The following UGGT2 variants were observed in gnomAD, a reference collection of about 807,000 sequenced individuals.
UGGT2 encodes the protein UDP-glucose glycoprotein glucosyltransferase 2, also known as UDP-glucose:glycoprotein glucosyltransferase 2.
A neutral mutation model predicts 192.1 loss-of-function variants in UGGT2; 180 were observed. That is an observed-to-expected ratio of 0.94 (90% CI 0.83 to 1.06). The LOEUF is 1.06. UGGT2 is among the 50% of genes least tolerant of loss of function. The pLI is 0.00. For synonymous variants in UGGT2, 580 were observed against 591.0 expected, an observed-to-expected ratio of 0.98 and a Z score of 0.27; for missense variants, 1,849 against 1,795.7, an observed-to-expected ratio of 1.03 and a Z score of -0.54.
intron 38 of UGGT2, among the ~76,000 whole-genome samples, chr13:95,830,174 A>C (rs1380356410): frequency 6.6e-6 from 1 of 152,214 alleles, no homozygotes; most frequent in Admixed American, 6.5e-5. Context: ...AACCATAAAA[A>C]CTGTAGAAGA....
At chr13:95,961,332 C>A (rs1391439139) in intron 12 of UGGT2, among the ~76,000 whole-genome samples, 1 of 151,978 alleles carries the variant, frequency 6.6e-6, no homozygotes, top group African/African-American at 2.4e-5. Flanking sequence ...AAAAACAAGA[C>A]CCATCCATAC....
At chr13:96,014,110 A>C (rs1291142250) in intron 4 of UGGT2, among the ~76,000 whole-genome samples, 1 of 152,212 alleles carries the variant, frequency 6.6e-6, no homozygotes, top group Non-Finnish European at 1.5e-5. Flanking sequence ...TTAACTATTC[A>C]GGAAAAGATC....
At chr13:95,810,063 A>G (rs1364101339) in intron 38 of UGGT2, among the ~76,000 whole-genome samples, 2 of 152,178 alleles carry the variant, frequency 1.3e-5, no homozygotes, top group African/African-American at 4.8e-5. Flanking sequence ...CTTACGCTGG[A>G]TACATTTATC....
intron 10 of UGGT2, among the ~76,000 whole-genome samples, chr13:95,973,528 A>C (rs1283866401): frequency 6.6e-6 from 1 of 152,262 alleles, no homozygotes; most frequent in Non-Finnish European, 1.5e-5. Context: ...CTCTAAATTC[A>C]TAAAAGTTTC....
Position 95,801,694 on chromosome 13 carries a change from G to A in UGGT2, c.*96C>T, listed in dbSNP as rs1411724964. The A allele has an allele frequency of 5.9e-5, 75 of 1,269,908 alleles. No homozygotes were observed. The highest frequency in any genetic ancestry group is 7.9e-5 in the Non-Finnish European group (71 of 899,694). The allele number at this position is 1,269,908 out of a possible 1,614,324, so 78.7% of individuals were successfully genotyped here. ...TAAAGAATATGTCACTGATCTTAAC[G>A]AGACTTCCAAATCGTCTCAGCAGGG... On this transcript the variant is annotated 3_prime_UTR_variant, in exon 39 of 39. Coordinates refer to ENST00000376747, the MANE Select transcript of UGGT2 (RefSeq NM_020121.4).
At chr13:95,870,684 G>A (rs1891141273) in intron 29 of UGGT2, among the ~76,000 whole-genome samples, 1 of 152,150 alleles carries the variant, frequency 6.6e-6, no homozygotes, top group Non-Finnish European at 1.5e-5. Context: ...CCAATACGAT[G>A]TAAAAGCATC....
chr13:96,024,441 TGAA>T (rs1199371592), intron 2 of UGGT2, among the ~76,000 whole-genome samples: 8 of 152,238 alleles, frequency 5.3e-5, no homozygotes, highest in African/African-American at 1.7e-4. Flanking sequence ...AGCCTAGAGC[TGAA>T]GAAGACCTGG....
intron 28 of UGGT2, 49 bp downstream of exon 28, chr13:95,877,649 G>T (rs1401795354): frequency 1.1e-5 from 17 of 1,559,282 alleles, no homozygotes; most frequent in Admixed American, 5.5e-5. Context: ...GGAAAACAGA[G>T]AATTCACCAA....
chr13:96,018,491 G>A (rs973287812), intron 4 of UGGT2, among the ~76,000 whole-genome samples: 6 of 152,054 alleles, frequency 3.9e-5, no homozygotes, highest in African/African-American at 1.4e-4. Context: ...ACTCTAGCCT[G>A]GGCACTAGAG....
chr13:95,980,037 A>G (rs1457349125), intron 10 of UGGT2, among the ~76,000 whole-genome samples: 2 of 152,206 alleles, frequency 1.3e-5, no homozygotes, highest in Admixed American at 6.5e-5. Context: ...CACTTTTACA[A>G]TGTTGGTGGG....
In UGGT2 at chr13:95,990,060, C is replaced by A; in HGVS notation, c.844G>T (p.Asp282Tyr). ...AATGCTGTCAGATTATCTCTAAGATCTGAATATATTTCTCTGCATCAAAAT... is the reference window on the plus strand; with the variant it reads ...AATGCTGTCAGATTATCTCTAAGATATGAATATATTTCTCTGCATCAAAAT... Reference protein sequence around the residue: ...LFGKLKEIYSDLRDNLTAFQK... With the variant: ...LFGKLKEIYSYLRDNLTAFQK... The change falls in exon 8 of 39, where the codon GAT becomes TAT. Residue 282 changes from aspartate (D) to tyrosine (Y), a missense_variant. By Grantham distance (160) the Asp-to-Tyr change is radical. Transcript: ENST00000376747. 1 of 1,597,742 alleles carries A rather than the reference C, an allele frequency of 6.3e-7. No individual in the cohort carries two copies. Among genetic ancestry groups the A allele is most frequent in the Non-Finnish European group, 8.5e-7 (1 of 1,171,628 alleles).
At position 96,053,253 on chromosome 13, in the gene UGGT2, C is replaced by T. The variant is rs1337310428; in HGVS notation, c.60G>A (p.Trp20Ter). 4 of 1,563,310 alleles carry T rather than the reference C, an allele frequency of 2.6e-6. No individual in the cohort carries two copies. Among genetic ancestry groups the T allele is most frequent in the Non-Finnish European group, 2.6e-6 (3 of 1,162,492 alleles). ...VRLLLGSTALWLSQLGSGTVA... is the reference protein window; with the variant it reads ...VRLLLGSTAL ...CCGTCCCGGAGCCGAGCTGCGAAAG[C>T]CACAGCGCTGTGGAGCCTAGTAGCA... Residue 20 changes from tryptophan to a stop codon, truncating the protein, a stop_gained, in exon 1 of 39, where the codon TGG (tryptophan) becomes TGA (stop). Coordinates refer to ENST00000376747, the MANE Select transcript of UGGT2 (RefSeq NM_020121.4). LOFTEE classifies it high-confidence loss of function.
chr13:96,038,303 C>A (rs2053064662), intron 1 of UGGT2, among the ~76,000 whole-genome samples: 1 of 152,122 alleles, frequency 6.6e-6, no homozygotes, highest in African/African-American at 2.4e-5. Flanking sequence ...CTTTTAACAA[C>A]AGAGATTAGC....
chr13:95,834,552 T>G (rs1046045320), intron 37 of UGGT2, among the ~76,000 whole-genome samples: 1 of 152,206 alleles, frequency 6.6e-6, no homozygotes, highest in African/African-American at 2.4e-5. Flanking sequence ...ATATTATTAG[T>G]CATGCTCTTT....
chr13:95,906,981 G>C lies in UGGT2; in HGVS notation c.2296-3921C>G, dbSNP rs2048311590. 3.3e-5 allele frequency among the ~76,000 whole-genome samples: 5 copies of C among 152,180 alleles called. No individual in the cohort carries two copies. In the South Asian group the frequency reaches 1.0e-3, roughly 32 times the overall value. ...CATCGCCTCACCTGGAAAGCACAAG[G>C]GGTGGGGGAATTTCCCTTTCCTAGC... is the stretch of plus-strand genomic sequence containing the variant. On this transcript the variant is annotated intron_variant, in intron 20 of 38. Transcript: ENST00000376747.
At chr13:96,026,732 C>T (rs1046834309) in intron 2 of UGGT2, among the ~76,000 whole-genome samples, 3 of 142,578 alleles carry the variant, frequency 2.1e-5, no homozygotes, top group Non-Finnish European at 3.0e-5. Flanking sequence ...ACTGCAGTGG[C>T]GCAATCTCGG....
intron 2 of UGGT2, among the ~76,000 whole-genome samples, chr13:96,029,430 C>A (rs1184625217): frequency 2.0e-5 from 3 of 151,800 alleles, no homozygotes; most frequent in African/African-American, 7.3e-5. Flanking sequence ...GGATTACAGG[C>A]CCGCACCACC....
At chr13:96,051,382 G>A (rs1025976998) in intron 1 of UGGT2, among the ~76,000 whole-genome samples, 1 of 152,158 alleles carries the variant, frequency 6.6e-6, no homozygotes, top group Non-Finnish European at 1.5e-5. Flanking sequence ...TAATGTAAAT[G>A]ATGAGTTAAT....
rs1886998516 is a variant in UGGT2, at chr13:95,833,939, T to G, written c.4402-886A>C. 4.6e-5 allele frequency among the ~76,000 whole-genome samples: 7 copies of G among 152,332 alleles called. No individual in the cohort carries two copies. The South Asian group carries it at 1.4e-3, about 32-fold the overall frequency. On this transcript the variant is annotated intron_variant, in intron 37 of 38. Coordinates refer to ENST00000376747, the MANE Select transcript of UGGT2 (RefSeq NM_020121.4). ...GACATTTTCTCCACTTGCTTTCCTCTTATTTCTTAGGGGAAAGCTATTAGT... is the reference window on the plus strand; with the variant it reads ...GACATTTTCTCCACTTGCTTTCCTCGTATTTCTTAGGGGAAAGCTATTAGT...
Sources: gnomAD v4.1 joint callset for allele counts (sites outside exome capture counted in the v4.1 genomes callset) on GRCh38, gnomAD v4.1.1 for gene constraint, MANE v1.5 for transcripts, NCBI Gene and HGNC (gene_info 2026-07-23, HGNC 2026-07-21) for gene names.